PRUNE2: variants seen among roughly 807,000 people sequenced by gnomAD.
PRUNE2 encodes the protein prune homolog 2 with BCH domain.
PRUNE2 carries 164 observed loss-of-function variants against 252.0 expected under a neutral mutation model. That is an observed-to-expected ratio of 0.65 (90% CI 0.57 to 0.74). The LOEUF is 0.74. Among genes scored for constraint, PRUNE2 ranks in the 30% least tolerant of loss-of-function variants. PRUNE2 has a pLI of 0.00. For missense variants in PRUNE2, 3,495 were observed against 3,711.0 expected (o/e 0.94, Z 1.51); for synonymous variants, 1,292 against 1,350.2 (o/e 0.96, Z 0.94).
intron 1 of PRUNE2, among the ~76,000 whole-genome samples, chr9:76,886,923 T>C (rs2062138120): frequency 6.6e-6 from 1 of 152,208 alleles, no homozygotes; most frequent in Non-Finnish European, 1.5e-5. Flanking sequence ...GGTTGAGATA[T>C]CACAGTAGTA....
intron 6 of PRUNE2, among the ~76,000 whole-genome samples, chr9:76,735,835 A>C (rs904638746): frequency 2.0e-5 from 3 of 152,194 alleles, no homozygotes; most frequent in African/African-American, 7.2e-5. Context: ...AGAAAGCTGA[A>C]GCTCAAAAAG....
intron 1 of PRUNE2, among the ~76,000 whole-genome samples, chr9:76,886,731 G>A (rs1041751895): frequency 7.2e-5 from 11 of 152,136 alleles, no homozygotes; most frequent in African/African-American, 2.2e-4. Flanking sequence ...AAAAATTAAT[G>A]TCTTTAAGAG....
At chr9:76,626,685 T>TG (rs1834923524) in intron 16 of PRUNE2, among the ~76,000 whole-genome samples, 2 of 152,214 alleles carry the variant, frequency 1.3e-5, no homozygotes, top group South Asian at 4.1e-4. Flanking sequence ...TCCCATATGA[T>TG]GGAGAGTCTC....
chr9:76,756,299 A>G (rs1326020992), intron 6 of PRUNE2, among the ~76,000 whole-genome samples: 1 of 152,190 alleles, frequency 6.6e-6, no homozygotes, highest in Non-Finnish European at 1.5e-5. Context: ...CGTCTCTTCT[A>G]ATCTGCATGA....
rs376293467 is a variant in PRUNE2, at chr9:76,703,515, T to G, written c.8098A>C (p.Lys2700Gln). Residue 2700 changes from lysine (K) to glutamine (Q), a missense_variant, in exon 9 of 19, where the codon AAG becomes CAG. Lys to Gln is a moderately conservative substitution (Grantham distance 53). Transcript: ENST00000376718. The part of the protein sequence containing the change: ...EASGPVSQSQ[K>Q]SKSRGRAGPD... ...CCAGCCCTGCCTCGGCTCTTACTCT[T>G]CTGTGATTGGCTGACTGGACCAGAG... The G allele has an allele frequency of 1.2e-6, 2 of 1,613,858 alleles. No homozygotes were observed. The highest frequency in any genetic ancestry group is 3.3e-5 in the Admixed American group (2 of 60,004).
chr9:76,679,028 G>T (rs1281035278), intron 9 of PRUNE2, among the ~76,000 whole-genome samples: 2 of 152,092 alleles, frequency 1.3e-5, no homozygotes, highest in African/African-American at 4.8e-5. Flanking sequence ...TCAGGAGGCA[G>T]GCTGCCTGCA....
Position 76,884,689 on chromosome 9 carries a change from C to T in PRUNE2, c.36+21239G>A, listed in dbSNP as rs758767692. Among the ~76,000 whole-genome samples the T allele has an allele frequency of 9.2e-5, 14 of 152,260 alleles. 1 individual carries two copies. Among genetic ancestry groups the T allele is most frequent in the Admixed American group, 2.6e-4 (4 of 15,290 alleles). On this transcript the variant is annotated intron_variant, in intron 1 of 18. Transcript: ENST00000376718. ...TTAAAAGTTTTTATTTCCCATTGAACGGCATTACTAGTTTTAAAATATTAA... is the reference window on the plus strand; with the variant it reads ...TTAAAAGTTTTTATTTCCCATTGAATGGCATTACTAGTTTTAAAATATTAA...
rs2046098733 is a variant in PRUNE2, at chr9:76,703,907, C to G, written c.7706G>C (p.Arg2569Thr). 1 of 1,613,620 alleles carries G rather than the reference C, an allele frequency of 6.2e-7. No homozygotes were observed. Among genetic ancestry groups the G allele is most frequent in the Non-Finnish European group, 8.5e-7 (1 of 1,179,890 alleles). Residue 2569 changes from arginine to threonine, a missense_variant, in exon 9 of 19, where the codon AGA (arginine) becomes ACA (threonine). Coordinates refer to ENST00000376718, the MANE Select transcript of PRUNE2 (RefSeq NM_015225.3). Reference protein sequence around the residue: ...SHSKPETCEERESIAELELYV... With the variant: ...SHSKPETCEETESIAELELYV... ...CAATTCTAATTCAGCTATGCTTTCT[C>G]TTTCTTCACAGGTCTCTGGCTTTGA...
At chr9:76,733,074 A>G (rs888495419) in intron 6 of PRUNE2, among the ~76,000 whole-genome samples, 13 of 152,126 alleles carry the variant, frequency 8.5e-5, no homozygotes, top group Non-Finnish European at 1.9e-4. Context: ...AAATAACGGT[A>G]GAGTCATTTT....
At chr9:76,803,254 CCTT>C (rs1351286878) in intron 6 of PRUNE2, among the ~76,000 whole-genome samples, 1 of 152,170 alleles carries the variant, frequency 6.6e-6, no homozygotes, top group Non-Finnish European at 1.5e-5. Context: ...TTCAACTAAA[CCTT>C]CTAACAGAAG....
intron 9 of PRUNE2, among the ~76,000 whole-genome samples, chr9:76,694,551 T>C (rs2045192958): frequency 6.6e-6 from 1 of 152,168 alleles, no homozygotes; most frequent in Non-Finnish European, 1.5e-5. Context: ...GATTAAGTTA[T>C]TGTCATCAGG....
chr9:76,825,773 C>T (rs1314308529), intron 5 of PRUNE2, among the ~76,000 whole-genome samples: 1 of 152,140 alleles, frequency 6.6e-6, no homozygotes, highest in African/African-American at 2.4e-5. Flanking sequence ...GCTATGCCAT[C>T]AAAACCTGTA....
intron 4 of PRUNE2, among the ~76,000 whole-genome samples, chr9:76,835,754 A>G (rs571248360): frequency 4.6e-5 from 7 of 152,190 alleles, no homozygotes; most frequent in East Asian, 1.9e-4. Flanking sequence ...GAGAGAGAGA[A>G]AAAAAATATC....
At chr9:76,869,680 A>G (rs541725923) in intron 1 of PRUNE2, among the ~76,000 whole-genome samples, 130 of 152,342 alleles carry the variant, frequency 8.5e-4, no homozygotes, top group Non-Finnish European at 1.4e-3. Flanking sequence ...AAAAGCATAA[A>G]CATGTTGATA....
At chr9:76,858,885 G>A (rs549001735) in intron 1 of PRUNE2, among the ~76,000 whole-genome samples, 2 of 152,232 alleles carry the variant, frequency 1.3e-5, no homozygotes, top group African/African-American at 4.8e-5. Context: ...TGAGGTGAGA[G>A]CAGGCCCAGC....
At chr9:76,855,083 AT>A (rs371369525) in intron 1 of PRUNE2, among the ~76,000 whole-genome samples, 19,735 of 78,070 alleles carry the variant, frequency 0.25, 1,634 homozygotes, top group East Asian at 0.34. Flanking sequence ...AAAAAAAAAA[AT>A]ATATATATAT....
intron 6 of PRUNE2, among the ~76,000 whole-genome samples, chr9:76,757,766 G>A (rs185684548): frequency 3.9e-5 from 6 of 152,118 alleles, no homozygotes; most frequent in African/African-American, 1.2e-4. Context: ...GGGTAACATG[G>A]AGAAATCCCA....
intron 6 of PRUNE2, among the ~76,000 whole-genome samples, chr9:76,747,181 A>C (rs534146907): frequency 3.9e-4 from 60 of 152,270 alleles, no homozygotes; most frequent in African/African-American, 1.4e-3. Context: ...TGTGCAGGGA[A>C]ATACCGCCAC....
intron 9 of PRUNE2, among the ~76,000 whole-genome samples, chr9:76,693,247 A>G (rs2044976874): frequency 6.6e-6 from 1 of 151,842 alleles, no homozygotes; most frequent in African/African-American, 2.4e-5. Flanking sequence ...TTGGGAAATA[A>G]CTAAATATCC....
Sources: gnomAD v4.1 joint callset for allele counts (sites outside exome capture counted in the v4.1 genomes callset) on GRCh38, gnomAD v4.1.1 for gene constraint, MANE v1.5 for transcripts, NCBI Gene and HGNC (gene_info 2026-07-23, HGNC 2026-07-21) for gene names.